The following RBFOX1 variants were observed in gnomAD, a reference collection of about 807,000 sequenced individuals.
RBFOX1 encodes the protein RNA binding fox-1 homolog 1, also known as RNA binding protein fox-1 homolog 1.
RBFOX1 carries 8 observed loss-of-function variants against 57.7 expected under a neutral mutation model. That is an observed-to-expected ratio of 0.14 (90% CI 0.08 to 0.25). The LOEUF (loss-of-function observed/expected upper bound fraction) is 0.25, where lower values mean the gene tolerates loss of function less well. Ranked by LOEUF, RBFOX1 falls within the 10% of genes least tolerant of loss-of-function variation. The probability of loss-of-function intolerance (pLI) is 1.00; values close to 1 mark genes in which losing one functional copy is unlikely to be tolerated. For synonymous variants in RBFOX1, 326 were observed against 222.4 expected (o/e 1.47, Z -4.15); for missense variants, 611 against 548.5 (o/e 1.11, Z -1.14).
chr16:6,485,059 G>A (rs1235416776), intron 2 of RBFOX1, among the ~76,000 whole-genome samples: 1 of 152,118 alleles, frequency 6.6e-6, no homozygotes, highest in Non-Finnish European at 1.5e-5. Context: ...GGGTGTTTGT[G>A]GCATGGAGTA....
chr16:6,813,842 C>A (rs894251473), intron 3 of RBFOX1, among the ~76,000 whole-genome samples: 1 of 151,956 alleles, frequency 6.6e-6, no homozygotes, highest in African/African-American at 2.4e-5. Flanking sequence ...ATACCCCCAA[C>A]CCCTCTGGCT....
chr16:6,653,098 C>T (rs971281344), intron 2 of RBFOX1, among the ~76,000 whole-genome samples: 13 of 152,074 alleles, frequency 8.5e-5, no homozygotes, highest in African/African-American at 2.4e-4. Flanking sequence ...ACTTGCTCTT[C>T]GTTTGCCTGG....
At chr16:5,899,396 T>C (rs1567686812) in intron 4 of RBFOX1, among the ~76,000 whole-genome samples, 1 of 152,206 alleles carries the variant, frequency 6.6e-6, no homozygotes, top group East Asian at 1.9e-4. Flanking sequence ...GAAGGCTCTC[T>C]GAGGTGGTGA....
chr16:6,674,547 C>G (rs1046303726), intron 3 of RBFOX1, among the ~76,000 whole-genome samples: 3 of 152,138 alleles, frequency 2.0e-5, no homozygotes, highest in African/African-American at 4.8e-5. Flanking sequence ...GTGTCGAACT[C>G]CTGACCTCAA....
At chr16:6,806,126 G>A (rs567796648) in intron 3 of RBFOX1, among the ~76,000 whole-genome samples, 53 of 152,266 alleles carry the variant, frequency 3.5e-4, no homozygotes, top group African/African-American at 1.2e-3. Context: ...ATATTTAGAT[G>A]ATTTAGAGTG....
At chr16:5,341,495 G>A (rs1475343191) in intron 1 of RBFOX1, among the ~76,000 whole-genome samples, 5 of 152,172 alleles carry the variant, frequency 3.3e-5, no homozygotes, top group Non-Finnish European at 7.3e-5. Flanking sequence ...ACAGGACTTG[G>A]GGATGGATTG....
chr16:5,700,120 CCA>C (rs2050991810), intron 3 of RBFOX1, among the ~76,000 whole-genome samples: 1 of 152,188 alleles, frequency 6.6e-6, no homozygotes, highest in South Asian at 2.1e-4. Context: ...GCGTGAGCCA[CCA>C]TGCCTGGCCA....
At chr16:7,349,856 T>A (rs1603626687) in intron 4 of RBFOX1, among the ~76,000 whole-genome samples, 1 of 152,138 alleles carries the variant, frequency 6.6e-6, no homozygotes, top group South Asian at 2.1e-4. Flanking sequence ...GGAAATAAAA[T>A]AGGTTATGGG....
At chr16:5,363,388 T>G (rs552335326) in intron 1 of RBFOX1, among the ~76,000 whole-genome samples, 4 of 152,284 alleles carry the variant, frequency 2.6e-5, no homozygotes, top group Admixed American at 2.6e-4. Flanking sequence ...GATCATATGG[T>G]AGTTCTACTT....
intron 3 of RBFOX1, among the ~76,000 whole-genome samples, chr16:5,835,868 C>G (rs999036014): frequency 2.0e-5 from 3 of 152,182 alleles, no homozygotes; most frequent in Non-Finnish European, 2.9e-5. Context: ...CCCATCCCTC[C>G]CAGAGCACAG....
intron 14 of RBFOX1, among the ~76,000 whole-genome samples, chr16:7,688,135 G>C (rs1359343636): frequency 3.3e-5 from 5 of 151,988 alleles, no homozygotes; most frequent in Middle Eastern, 6.8e-3. Context: ...CTGCTATCCT[G>C]GGGCATCTTG....
chr16:7,089,152 C>G (rs955419855), intron 4 of RBFOX1, among the ~76,000 whole-genome samples: 1 of 152,094 alleles, frequency 6.6e-6, no homozygotes, highest in African/African-American at 2.4e-5. Flanking sequence ...TAGTTTTGCA[C>G]AATTTAGTAC....
At chr16:7,426,611 T>C (rs1156405233) in intron 4 of RBFOX1, among the ~76,000 whole-genome samples, 1 of 152,138 alleles carries the variant, frequency 6.6e-6, no homozygotes, top group Admixed American at 6.5e-5. Flanking sequence ...CCAATAAAAT[T>C]AGGCGCACGC....
chr16:6,537,616 G>C (rs1177224661), intron 2 of RBFOX1, among the ~76,000 whole-genome samples: 1 of 152,138 alleles, frequency 6.6e-6, no homozygotes, highest in African/African-American at 2.4e-5. Flanking sequence ...ATGGACTGTT[G>C]CCCTGAAATG....
At chr16:6,208,719 T>A (rs2097271878) in intron 1 of RBFOX1, among the ~76,000 whole-genome samples, 1 of 151,544 alleles carries the variant, frequency 6.6e-6, no homozygotes. Context: ...CTTCCATATT[T>A]AAAAAAAAAT....
intron 3 of RBFOX1, among the ~76,000 whole-genome samples, chr16:6,830,497 T>A (rs950573969): frequency 1.3e-5 from 2 of 152,018 alleles, no homozygotes; most frequent in African/African-American, 4.8e-5. Flanking sequence ...ATGCCAGGAG[T>A]TCTCAACTGA....
chr16:6,034,039 G>T (rs969536456), intron 1 of RBFOX1, among the ~76,000 whole-genome samples: 26 of 152,070 alleles, frequency 1.7e-4, no homozygotes, highest in African/African-American at 4.3e-4. Flanking sequence ...GATTTAGAAA[G>T]AATAGGAATC....
chr16:5,705,399 C>T (rs1406480181), intron 3 of RBFOX1, among the ~76,000 whole-genome samples: 1 of 152,132 alleles, frequency 6.6e-6, no homozygotes, highest in Non-Finnish European at 1.5e-5. Context: ...GTAGCTGGGA[C>T]TACAGGCATG....
chr16:6,908,014 T>C (rs1012532076), intron 3 of RBFOX1, among the ~76,000 whole-genome samples: 6 of 151,704 alleles, frequency 4.0e-5, no homozygotes, highest in East Asian at 1.9e-4. Flanking sequence ...AGTGAGGACA[T>C]GGTCATATTG....
Sources: allele counts gnomAD v4.1 joint callset (sites outside exome capture counted in the v4.1 genomes callset), GRCh38; gene constraint gnomAD v4.1.1; transcripts MANE v1.5; gene names NCBI Gene and HGNC (gene_info 2026-07-23, HGNC 2026-07-21).